The following ARMC9 variants were observed in gnomAD, a reference collection of about 807,000 sequenced individuals.
ARMC9 encodes the protein lisH domain-containing protein ARMC9.
A neutral mutation model predicts 107.0 loss-of-function variants in ARMC9; 94 were observed. The ratio of observed to expected loss-of-function variants is 0.88; its 90% CI spans 0.74 to 1.04. The LOEUF (loss-of-function observed/expected upper bound fraction) is 1.04. Among genes scored for constraint, ARMC9 ranks in the 50% least tolerant of loss-of-function variants. ARMC9 has a pLI of 0.00. For synonymous variants in ARMC9, 380 were observed against 396.9 expected (o/e 0.96, Z 0.51); for missense variants, 942 against 1,030.1 (o/e 0.91, Z 1.17).
chr2:231,271,338 C>T (rs2125432916), intron 13 of ARMC9, among the ~76,000 whole-genome samples: 1 of 152,240 alleles, frequency 6.6e-6, no homozygotes, highest in South Asian at 2.1e-4. Flanking sequence ...AACATAGTAA[C>T]ATTTTATATT....
intron 18 of ARMC9, chr2:231,293,827 T>C (rs894068586): frequency 1.3e-5 from 2 of 152,218 alleles, no homozygotes; most frequent in African/African-American, 4.8e-5. Flanking sequence ...AATTTTACAG[T>C]GATTGAACAT....
chr2:231,244,000 G>A lies in ARMC9; in HGVS notation c.879+3959G>A, dbSNP rs772923233. Among the ~76,000 whole-genome samples the A allele has an allele frequency of 6.6e-5, 10 of 152,254 alleles. No homozygotes were observed. In the East Asian group the frequency reaches 7.7e-4, roughly 12 times the overall value. ...AGGCCATCAATTTCAAAATAAGTACGTGGCACAGATCAGCGTCCTTCATAG... is the reference window on the plus strand; with the variant it reads ...AGGCCATCAATTTCAAAATAAGTACATGGCACAGATCAGCGTCCTTCATAG... On this transcript the variant is annotated intron_variant, in intron 9 of 24. Coordinates refer to ENST00000611582, the MANE Select transcript of ARMC9 (RefSeq NM_001352754.2).
chr2:231,296,435 G>A (rs2041372921), intron 19 of ARMC9, among the ~76,000 whole-genome samples, 182 bp downstream of exon 19: 1 of 152,210 alleles, frequency 6.6e-6, no homozygotes, highest in Non-Finnish European at 1.5e-5. Context: ...GGTCTCATGT[G>A]GGGAGCCCAG....
intron 19 of ARMC9, among the ~76,000 whole-genome samples, chr2:231,307,745 C>A (rs1305906303): frequency 1.3e-5 from 2 of 152,236 alleles, no homozygotes; most frequent in Non-Finnish European, 2.9e-5. Flanking sequence ...AGAGCAGGGA[C>A]AGTTGACTGC....
Position 231,276,648 on chromosome 2 carries a change from G to C in ARMC9, c.1347G>C (p.Gln449His). ...LQKFSLRRPL[Q>H]TAMIQDGLIF... ...TCTTTCTTCCCAGGCGCCCGCTGCA[G>C]ACAGCGATGATTCAAGACGGCCTCA... The change falls in exon 15 of 25, where the codon CAG becomes CAC. Residue 449 changes from glutamine (Q) to histidine (H), a missense_variant. Gln to His is a conservative substitution (Grantham distance 24). Coordinates refer to ENST00000611582, the MANE Select transcript of ARMC9 (RefSeq NM_001352754.2). 1 of 1,614,172 alleles carries C rather than the reference G, an allele frequency of 6.2e-7. No individual in the cohort carries two copies. Among genetic ancestry groups the C allele is most frequent in the Non-Finnish European group, 8.5e-7 (1 of 1,180,032 alleles).
chr2:231,252,714 G>A (rs186243549), intron 9 of ARMC9, among the ~76,000 whole-genome samples: 4 of 151,900 alleles, frequency 2.6e-5, no homozygotes, highest in Non-Finnish European at 4.4e-5. Flanking sequence ...TTAGCTCACT[G>A]CAGCCTCAAC....
In ARMC9 at chr2:231,282,067, G is replaced by T; in HGVS notation, c.1560G>T (p.Pro520=). The change falls in exon 17 of 25, where the codon CCG becomes CCT. Residue 520 remains proline, a synonymous_variant. Coordinates refer to ENST00000611582, the MANE Select transcript of ARMC9 (RefSeq NM_001352754.2). ...TTTTCCTCCCCTTAAAGATACAGCC[G>T]TATGTGAATGGAGCTCTGTACAGCA... The part of the protein sequence containing the change: ...LLGHENHEIQ[P]YVNGALYSIL... The T allele has an allele frequency of 6.2e-7, 1 of 1,613,998 alleles. No individual in the cohort carries two copies. Among genetic ancestry groups the T allele is most frequent in the Non-Finnish European group, 8.5e-7 (1 of 1,179,918 alleles).
At position 231,355,664 on chromosome 2, in the gene ARMC9, T is replaced by C. The variant is rs899955479; in HGVS notation, c.1995-134T>C. 21 of 1,131,852 alleles carry C rather than the reference T, an allele frequency of 1.9e-5. No individual in the cohort carries two copies. The African/African-American group carries it at 2.5e-4, about 13-fold the overall frequency. The allele number at this position is 1,131,852 out of a possible 1,614,324, so 70.1% of individuals were successfully genotyped here. On this transcript the variant is annotated intron_variant, in intron 21 of 24. Coordinates refer to ENST00000611582, the MANE Select transcript of ARMC9 (RefSeq NM_001352754.2). ...TCCTGCCAAGACCCTTTAGAAGGTC[T>C]GATATGCTAATGATGGTTTAACAAG...
rs534184272 is a variant in ARMC9 at position 231,371,213 on chromosome 2, C to G, written c.2435-300C>G. 7.9e-5 allele frequency among the ~76,000 whole-genome samples: 12 copies of G among 152,384 alleles called. No individual in the cohort carries two copies. The South Asian group carries it at 2.5e-3, about 32-fold the overall frequency. On this transcript the variant is annotated intron_variant, in intron 24 of 24. Transcript: ENST00000611582. ...GTGGCTGGCCTGGCCCCACATCTAGCAGCATAGCGTGGCCACGGTGTGGAC... is the reference window on the plus strand; with the variant it reads ...GTGGCTGGCCTGGCCCCACATCTAGGAGCATAGCGTGGCCACGGTGTGGAC...
chr2:231,348,435 G>GT (rs1365635918), intron 21 of ARMC9, among the ~76,000 whole-genome samples: 1 of 152,226 alleles, frequency 6.6e-6, no homozygotes. Context: ...AGTTTGTGTT[G>GT]TTTTCAGTCA....
intron 11 of ARMC9, 46 bp from the exon 12 acceptor site, chr2:231,262,260 C>A: frequency 6.3e-7 from 1 of 1,582,822 alleles, no homozygotes; most frequent in South Asian, 1.1e-5. Flanking sequence ...AACTTTTCTC[C>A]ATGATAAGAC....
rs1028361488 is a variant in ARMC9, at chr2:231,198,672, G to A, written c.-68G>A. 1.3e-5 allele frequency: 2 copies of A among 152,196 alleles called. No individual in the cohort carries two copies. The highest frequency in any genetic ancestry group is 1.5e-5 in the Non-Finnish European group (1 of 68,028). 9.4% of individuals were successfully genotyped at this position (152,196 alleles called of 1,614,324 possible). On this transcript the variant is annotated 5_prime_UTR_variant, in exon 1 of 25. Transcript: ENST00000611582. ...CGGAGGTGGCGGCCGGGCTGGGATA[G>A]CGCGAGTGTCCGCGGCCGAGCAGCA...
At chr2:231,249,597 T>C (rs1184176572) in intron 9 of ARMC9, among the ~76,000 whole-genome samples, 1 of 152,024 alleles carries the variant, frequency 6.6e-6, no homozygotes, top group Non-Finnish European at 1.5e-5. Flanking sequence ...GGGGCAGAAA[T>C]GCAGCTGTTT....
chr2:231,244,938 A>G (rs1334432181), intron 9 of ARMC9, among the ~76,000 whole-genome samples: 1 of 152,234 alleles, frequency 6.6e-6, no homozygotes. Context: ...CTGGAGAGGA[A>G]GTCTCCCACT....
intron 7 of ARMC9, 90 bp downstream of exon 7, chr2:231,226,888 A>G: frequency 2.1e-6 from 3 of 1,462,824 alleles, no homozygotes; most frequent in Non-Finnish European, 9.5e-7. Context: ...GAGAGAATTC[A>G]TGATTTTGGC....
chr2:231,276,880 A>C (rs2039809600), intron 15 of ARMC9, 105 bp downstream of exon 15: 1 of 1,435,772 alleles, frequency 7.0e-7, no homozygotes, highest in South Asian at 1.4e-5. Flanking sequence ...GTCTCATAGA[A>C]AACTAAAAAC....
At chr2:231,356,155 C>T (rs1036686484) in intron 22 of ARMC9, among the ~76,000 whole-genome samples, 2 of 152,186 alleles carry the variant, frequency 1.3e-5, no homozygotes, top group Admixed American at 6.5e-5. Flanking sequence ...CCTGTTGTCC[C>T]GTCTGGGAGC....
At chr2:231,310,965 A>G (rs1413644283) in intron 19 of ARMC9, among the ~76,000 whole-genome samples, 9 of 151,904 alleles carry the variant, frequency 5.9e-5, no homozygotes, top group Non-Finnish European at 1.2e-4. Context: ...CATCTCTACA[A>G]AAAATTTAAA....
At position 231,282,092 on chromosome 2, in the gene ARMC9, A is replaced by G; in HGVS notation, c.1585A>G (p.Ile529Val). Reference sequence around the variant, plus strand: ...GTATGTGAATGGAGCTCTGTACAGCATCCTTTCTGTTCCATCCATTCGTGA... The same window carrying G: ...GTATGTGAATGGAGCTCTGTACAGCGTCCTTTCTGTTCCATCCATTCGTGA... ...QPYVNGALYSILSVPSIREEA... is the reference protein window; with the variant it reads ...QPYVNGALYSVLSVPSIREEA... The change falls in exon 17 of 25, where the codon ATC (isoleucine) becomes GTC (valine). Residue 529 changes from isoleucine to valine, a missense_variant. Transcript: ENST00000611582. 6.2e-7 allele frequency: 1 copy of G among 1,614,166 alleles called. No homozygotes were observed. The highest frequency in any genetic ancestry group is 8.5e-7 in the Non-Finnish European group (1 of 1,180,002).
Sources: gnomAD v4.1 joint callset for allele counts (sites outside exome capture counted in the v4.1 genomes callset) on GRCh38, gnomAD v4.1.1 for gene constraint, MANE v1.5 for transcripts, NCBI Gene and HGNC (gene_info 2026-07-23, HGNC 2026-07-21) for gene names.